Variants in ZFAT observed in about 807,000 individuals in gnomAD.
ZFAT encodes zinc finger and AT-hook domain containing.
ZFAT carries 64 observed loss-of-function variants against 117.7 expected under a neutral mutation model. That is an observed-to-expected ratio of 0.54 (90% CI 0.44 to 0.67). ZFAT has a LOEUF of 0.67. ZFAT is among the 30% of genes least tolerant of loss of function. ZFAT has a pLI of 0.00. For synonymous variants in ZFAT, 679 were observed against 615.0 expected (o/e 1.10, Z -1.54); for missense variants, 1,433 against 1,584.5 (o/e 0.90, Z 1.62).
Position 134,565,491 on chromosome 8 carries a change from C to A in ZFAT, c.2888-70G>T, listed in dbSNP as rs749805181. On this transcript the variant is annotated intron_variant, in intron 10 of 15. Coordinates refer to ENST00000377838, the MANE Select transcript of ZFAT (RefSeq NM_020863.4). ...CTCCCACTGTGAATGAAGTGCCAGG[C>A]ATGGAGCCAGGTACACAAAGGTGTT... 8 of 1,435,194 alleles carry A rather than the reference C, an allele frequency of 5.6e-6. No homozygotes were observed. The Admixed American group carries it at 1.5e-4, about 26-fold the overall frequency. 88.9% of individuals were successfully genotyped at this position (1,435,194 alleles called of 1,614,324 possible). A position where few individuals can be genotyped will look rare whatever the true frequency, so the allele number is the denominator to read the frequency against.
chr8:134,546,645 G>A (rs1270699786), intron 11 of ZFAT, among the ~76,000 whole-genome samples: 1 of 152,198 alleles, frequency 6.6e-6, no homozygotes, highest in Non-Finnish European at 1.5e-5. Context: ...CAGAACAGAT[G>A]CTTCTGAGAA....
the ZFAT span, among the ~76,000 whole-genome samples, chr8:134,725,633 G>T: frequency 6.6e-6 from 1 of 151,960 alleles, no homozygotes; most frequent in Non-Finnish European, 1.5e-5. Context: ...CAACACTGGC[G>T]ATTACAATTC....
At chr8:134,499,804 T>G in intron 15 of ZFAT, among the ~76,000 whole-genome samples, 1 of 152,176 alleles carries the variant, frequency 6.6e-6, no homozygotes, top group Non-Finnish European at 1.5e-5. Flanking sequence ...AGAGGGACAT[T>G]TGAGGCCCCT....
intron 15 of ZFAT, among the ~76,000 whole-genome samples, chr8:134,493,855 C>T (rs1169973273): frequency 6.6e-6 from 1 of 152,160 alleles, no homozygotes; most frequent in Admixed American, 6.5e-5. Context: ...ATAGTAGGCA[C>T]TCAATAAACA....
chr8:134,553,012 G>A (rs4909911), intron 11 of ZFAT, among the ~76,000 whole-genome samples: 53,636 of 152,030 alleles, frequency 0.35, 9,777 homozygotes, highest in East Asian at 0.67. Flanking sequence ...TGTCCTGTGC[G>A]ATGCAAAAAA....
At chr8:134,819,577 G>A in the ZFAT span, among the ~76,000 whole-genome samples, 2 of 131,788 alleles carry the variant, frequency 1.5e-5, no homozygotes, top group African/African-American at 5.9e-5. Context: ...ATTTGCTCCC[G>A]CTCCTCCAAT....
chr8:134,758,480 CAA>C, the ZFAT span, among the ~76,000 whole-genome samples: 2 of 152,198 alleles, frequency 1.3e-5, no homozygotes, highest in African/African-American at 4.8e-5. Flanking sequence ...TTACTGGCTC[CAA>C]TCTTTGGTTC....
At position 134,657,693 on chromosome 8, in the gene ZFAT, G is replaced by A; in HGVS notation, c.64C>T (p.Pro22Ser). 2 of 1,614,100 alleles carry A rather than the reference G, an allele frequency of 1.2e-6. No individual in the cohort carries two copies. Among genetic ancestry groups the A allele is most frequent in the Non-Finnish European group, 1.7e-6 (2 of 1,180,036 alleles). ...FMCKCCNLFSPNQSELLSHVS... is the reference protein window; with the variant it reads ...FMCKCCNLFSSNQSELLSHVS... ...TGGGAGAGGAGTTCCGACTGATTTG[G>A]TGAGAAGAGGTTACAACATTTACAC... The change falls in exon 2 of 16, where the codon CCA (proline) becomes TCA (serine). Residue 22 changes from proline (P) to serine (S), a missense_variant. Transcript: ENST00000377838.
At chr8:134,523,481 A>C (rs1820808153) in intron 12 of ZFAT, among the ~76,000 whole-genome samples, 1 of 152,226 alleles carries the variant, frequency 6.6e-6, no homozygotes, top group African/African-American at 2.4e-5. Context: ...GATGGGAGCA[A>C]CCAGCTCCTA....
chr8:134,729,313 C>G, the ZFAT span, among the ~76,000 whole-genome samples: 5 of 152,142 alleles, frequency 3.3e-5, no homozygotes, highest in Non-Finnish European at 7.4e-5. Flanking sequence ...GGGATTTCAT[C>G]CACCTCGCCA....
Position 134,600,646 on chromosome 8 carries a change from C to T in ZFAT, c.2265G>A (p.Val755=). ...EYCGKLFWYQ[V]HFDMHVRTHT... ...GGGTGCGGACATGCATATCAAAATGCACTTGGTACCAAAAAAGTTTGCCTA... is the reference window on the plus strand; with the variant it reads ...GGGTGCGGACATGCATATCAAAATGTACTTGGTACCAAAAAAGTTTGCCTA... The change falls in exon 7 of 16, where the codon GTG becomes GTA. Residue 755 remains valine (V), a synonymous_variant. Transcript: ENST00000377838. 1 of 1,587,904 alleles carries T rather than the reference C, an allele frequency of 6.3e-7. No individual in the cohort carries two copies. The highest frequency in any genetic ancestry group is 8.6e-7 in the Non-Finnish European group (1 of 1,164,586).
At chr8:134,530,927 T>C (rs1234288370) in intron 12 of ZFAT, among the ~76,000 whole-genome samples, 1 of 152,202 alleles carries the variant, frequency 6.6e-6, no homozygotes, top group East Asian at 1.9e-4. Context: ...TTTTATATAA[T>C]GGACTTGAGC....
intron 1 of ZFAT, among the ~76,000 whole-genome samples, chr8:134,666,990 C>T (rs1453640589): frequency 6.6e-6 from 1 of 152,124 alleles, no homozygotes; most frequent in Non-Finnish European, 1.5e-5. Flanking sequence ...TTTGAAGGGA[C>T]ATGGATGAAG....
At chr8:134,740,262 T>G in the ZFAT span, among the ~76,000 whole-genome samples, 2 of 152,190 alleles carry the variant, frequency 1.3e-5, no homozygotes, top group East Asian at 3.9e-4. Flanking sequence ...GCATCTGAAC[T>G]GAGCTCCTGA....
intron 11 of ZFAT, among the ~76,000 whole-genome samples, chr8:134,539,046 T>C (rs1822053210): frequency 1.3e-5 from 2 of 152,194 alleles, no homozygotes; most frequent in Admixed American, 6.5e-5. Flanking sequence ...GTTTTGGTTC[T>C]TTAAACAGAA....
intron 12 of ZFAT, among the ~76,000 whole-genome samples, chr8:134,526,557 T>A (rs1024785759): frequency 6.6e-6 from 1 of 152,190 alleles, no homozygotes; most frequent in African/African-American, 2.4e-5. Flanking sequence ...AAGAGAAATT[T>A]AAAAAAACTG....
Position 134,664,231 on chromosome 8 carries a change from G to A in ZFAT, c.20-6494C>T, listed in dbSNP as rs1019820717. ...CTACAGTACAGGACGGAGGGTCAGA[G>A]AGGCTGACCTCCCCTCAGCCAGGGA... is the stretch of plus-strand genomic sequence containing the variant. On this transcript the variant is annotated intron_variant, in intron 1 of 15. Coordinates refer to ENST00000377838, the MANE Select transcript of ZFAT (RefSeq NM_020863.4). Among the ~76,000 whole-genome samples, 8 of 152,090 alleles carry A rather than the reference G, an allele frequency of 5.3e-5. No homozygotes were observed. The South Asian group carries it at 1.7e-3, about 32-fold the overall frequency.
chr8:134,497,038 C>A (rs891909436), intron 15 of ZFAT, among the ~76,000 whole-genome samples: 1 of 152,224 alleles, frequency 6.6e-6, no homozygotes, highest in East Asian at 1.9e-4. Context: ...TATGCAGAGG[C>A]AGCTGCTCCC....
Position 134,712,904 on chromosome 8 carries a change from T to C in ZFAT, c.-41A>G. On this transcript the variant is annotated 5_prime_UTR_variant, in exon 1 of 16. Transcript: ENST00000377838. ...CGGAGGAAAAAAAAGCCTCGGGCTCTTCCGGGCCCCCTCCCGTGCCGACCG... is the reference window on the plus strand; with the variant it reads ...CGGAGGAAAAAAAAGCCTCGGGCTCCTCCGGGCCCCCTCCCGTGCCGACCG... 1 of 1,474,562 alleles carries C rather than the reference T, an allele frequency of 6.8e-7. No homozygotes were observed. Among genetic ancestry groups the C allele is most frequent in the Non-Finnish European group, 9.0e-7 (1 of 1,109,988 alleles). The allele number at this position is 1,474,562 out of a possible 1,614,324, so 91.3% of individuals were successfully genotyped here.
Sources: gnomAD v4.1 joint callset for allele counts (sites outside exome capture counted in the v4.1 genomes callset) on GRCh38, gnomAD v4.1.1 for gene constraint, MANE v1.5 for transcripts, NCBI Gene and HGNC (gene_info 2026-07-23, HGNC 2026-07-21) for gene names.